The following ITGB3BP variants were observed in gnomAD, a reference collection of about 807,000 sequenced individuals.
ITGB3BP encodes integrin subunit beta 3 binding protein, also known as centromere protein R.
Under a neutral mutation model 29.1 loss-of-function variants are expected in ITGB3BP, and 27 were observed. The observed-to-expected ratio is 0.93, with a 90% CI of 0.68 to 1.28. The LOEUF (loss-of-function observed/expected upper bound fraction) is 1.28, where lower values mean the gene tolerates loss of function less well. ITGB3BP is among the 50% of genes most tolerant of loss of function. The pLI is 0.00. For synonymous variants in ITGB3BP, 61 were observed against 61.4 expected (o/e 0.99, Z 0.03); for missense variants, 192 against 200.2 (o/e 0.96, Z 0.25).
At chr1:63,498,049 T>TGTG (rs752311344) in intron 2 of ITGB3BP, among the ~76,000 whole-genome samples, 69 of 151,674 alleles carry the variant, frequency 4.5e-4, no homozygotes, top group Non-Finnish European at 9.4e-4. Context: ...AGGCCCAAAA[T>TGTG]ACATAAAACA....
chr1:63,490,118 G>C lies in ITGB3BP; in HGVS notation c.149C>G (p.Ser50Cys). 1 of 1,611,484 alleles carries C rather than the reference G, an allele frequency of 6.2e-7. No homozygotes were observed. The change falls in exon 3 of 9, where the codon TCT (serine) becomes TGT (cysteine). Residue 50 changes from serine (S) to cysteine (C), a missense_variant. Physicochemically the swap from Ser to Cys is moderately radical, Grantham distance 112. Coordinates refer to ENST00000271002, the MANE Select transcript of ITGB3BP (RefSeq NM_014288.5). ...TCCATTTCTGTGCTTTTGCTCTTCA[G>C]AACTTGTGGGAGAAGCAAATAGACT... ...QMSLFASPTS[S>C]EEQKHRNGLS...
chr1:63,497,242 C>G (rs1308146748), intron 2 of ITGB3BP, among the ~76,000 whole-genome samples: 3 of 152,006 alleles, frequency 2.0e-5, no homozygotes, highest in African/African-American at 7.3e-5. Flanking sequence ...GAGTTCGAGG[C>G]TGCAGTGAAA....
chr1:63,507,821 T>C (rs1175507749), intron 2 of ITGB3BP, among the ~76,000 whole-genome samples: 1 of 152,212 alleles, frequency 6.6e-6, no homozygotes, highest in Non-Finnish European at 1.5e-5. Flanking sequence ...AGGAGCCTAC[T>C]TATTGACTAG....
chr1:63,444,248 T>C (rs1543055), intron 8 of ITGB3BP, among the ~76,000 whole-genome samples: 12,630 of 152,012 alleles, frequency 0.083, 1,768 homozygotes, highest in African/African-American at 0.29. Flanking sequence ...GAATTCCCTG[T>C]AAGTTTATTA....
intron 7 of ITGB3BP, among the ~76,000 whole-genome samples, chr1:63,452,913 A>G (rs1193021136): frequency 6.6e-6 from 1 of 152,148 alleles, no homozygotes; most frequent in Non-Finnish European, 1.5e-5. Flanking sequence ...CTAACATACC[A>G]GATTGGGTGA....
intron 1 of ITGB3BP, among the ~76,000 whole-genome samples, chr1:63,511,549 C>T (rs770482788): frequency 6.6e-6 from 1 of 151,978 alleles, no homozygotes; most frequent in African/African-American, 2.4e-5. Context: ...TATCCACTGA[C>T]AGATGAACCG....
At chr1:63,448,464 T>C (rs570053391) in intron 7 of ITGB3BP, among the ~76,000 whole-genome samples, 1 of 152,202 alleles carries the variant, frequency 6.6e-6, no homozygotes, top group African/African-American at 2.4e-5. Context: ...CCTCCTCTTA[T>C]CTGAGGTCTG....
At chr1:63,452,444 A>G (rs889205030) in intron 7 of ITGB3BP, among the ~76,000 whole-genome samples, 1 of 152,114 alleles carries the variant, frequency 6.6e-6, no homozygotes, top group Non-Finnish European at 1.5e-5. Flanking sequence ...AAACTTGTCA[A>G]CTTAGGAGAG....
intron 4 of ITGB3BP, among the ~76,000 whole-genome samples, chr1:63,475,276 A>C (rs540324279): frequency 6.6e-6 from 1 of 152,320 alleles, no homozygotes; most frequent in African/African-American, 2.4e-5. Flanking sequence ...CATGCCTGGC[A>C]ATATTCCATT....
At chr1:63,509,010 T>G (rs987771017) in intron 1 of ITGB3BP, among the ~76,000 whole-genome samples, 1 of 152,204 alleles carries the variant, frequency 6.6e-6, no homozygotes, top group African/African-American at 2.4e-5. Flanking sequence ...GTTAAAGGTA[T>G]GAGCATGGTG....
At chr1:63,514,500 T>G (rs375273321) in intron 1 of ITGB3BP, among the ~76,000 whole-genome samples, 3 of 152,340 alleles carry the variant, frequency 2.0e-5, no homozygotes, top group Admixed American at 6.5e-5. Flanking sequence ...GTATCTTCTT[T>G]TATTAACTAT....
chr1:63,509,159 T>A (rs1368595145), intron 1 of ITGB3BP, among the ~76,000 whole-genome samples: 2 of 152,204 alleles, frequency 1.3e-5, no homozygotes, highest in Non-Finnish European at 2.9e-5. Context: ...TTCACTAAAC[T>A]GATTCAGGAA....
intron 4 of ITGB3BP, among the ~76,000 whole-genome samples, chr1:63,466,777 A>G (rs1331108182): frequency 6.6e-6 from 1 of 152,214 alleles, no homozygotes; most frequent in Admixed American, 6.5e-5. Context: ...AACAGACAAA[A>G]AATACCTTAC....
rs918402790 is a variant in ITGB3BP, at chr1:63,461,840, G to A, written c.255-6872C>T. Among the ~76,000 whole-genome samples, 6 of 152,246 alleles carry A rather than the reference G, an allele frequency of 3.9e-5. No individual in the cohort carries two copies. In the South Asian group the frequency reaches 6.2e-4, roughly 16 times the overall value. On this transcript the variant is annotated intron_variant, in intron 4 of 8. Coordinates refer to ENST00000271002, the MANE Select transcript of ITGB3BP (RefSeq NM_014288.5). ...ATTGGTCTCTATGGCTACTGTTAACGCCAGTGCCATACTGTTTTGATGACT... is the reference window on the plus strand; with the variant it reads ...ATTGGTCTCTATGGCTACTGTTAACACCAGTGCCATACTGTTTTGATGACT...
chr1:63,489,854 TC>T (rs1645608512), intron 3 of ITGB3BP, among the ~76,000 whole-genome samples: 1 of 152,154 alleles, frequency 6.6e-6, no homozygotes, highest in South Asian at 2.1e-4. Context: ...GGCCATAATT[TC>T]TATTTAATGG....
At chr1:63,496,312 C>CA (rs1278568464) in intron 2 of ITGB3BP, among the ~76,000 whole-genome samples, 2 of 151,950 alleles carry the variant, frequency 1.3e-5, no homozygotes, top group Non-Finnish European at 2.9e-5. Flanking sequence ...AGGCTGATCT[C>CA]AAACTCCTGA....
At chr1:63,490,045 A>G in intron 3 of ITGB3BP, 38 bp downstream of exon 3, 1 of 1,581,060 alleles carries the variant, frequency 6.3e-7, no homozygotes, top group South Asian at 1.2e-5. Context: ...AATAACTAGA[A>G]AAACCTTACA....
chr1:63,447,976 A>G (rs1557605886), intron 7 of ITGB3BP, among the ~76,000 whole-genome samples: 1 of 151,978 alleles, frequency 6.6e-6, no homozygotes, highest in Non-Finnish European at 1.5e-5. Flanking sequence ...TGGCACATAT[A>G]CACCATGGAA....
At position 63,523,219 on chromosome 1, in the gene ITGB3BP, A is replaced by G; in HGVS notation, c.-86T>C. ...CAGAAAATCCGCCAAAGGAAACGCC[A>G]AGGCATGAAAAGCGCGCGCTGGACG... On this transcript the variant is annotated 5_prime_UTR_variant, in exon 1 of 9. Transcript: ENST00000271002. 6.3e-7 allele frequency: 1 copy of G among 1,582,326 alleles called. No homozygotes were observed. Among genetic ancestry groups the G allele is most frequent in the Non-Finnish European group, 8.7e-7 (1 of 1,153,948 alleles).
Sources: gnomAD v4.1 joint callset for allele counts (sites outside exome capture counted in the v4.1 genomes callset) on GRCh38, gnomAD v4.1.1 for gene constraint, MANE v1.5 for transcripts, NCBI Gene and HGNC (gene_info 2026-07-23, HGNC 2026-07-21) for gene names.